The following TENM3 variants were observed in gnomAD, a reference collection of about 807,000 sequenced individuals.
The protein encoded by TENM3 is teneurin transmembrane protein 3.
TENM3 carries 63 observed loss-of-function variants against 255.1 expected under a neutral mutation model. The observed-to-expected ratio is 0.25, with a 90% CI of 0.20 to 0.30. The LOEUF (loss-of-function observed/expected upper bound fraction) is 0.30. Ranked by LOEUF, TENM3 falls within the 10% of genes least tolerant of loss-of-function variation. The pLI, the probability that TENM3 is intolerant of heterozygous loss-of-function variation, is 1.00. For synonymous variants in TENM3, 1,306 were observed against 1,322.3 expected (o/e 0.99, Z 0.27); for missense variants, 2,929 against 3,461.1 (o/e 0.85, Z 3.86).
At chr4:181,730,411 T>C in the TENM3 span, among the ~76,000 whole-genome samples, 9 of 152,138 alleles carry the variant, frequency 5.9e-5, no homozygotes, top group South Asian at 2.1e-4. Context: ...GCTCCTATTG[T>C]TAGGGAGTTT....
chr4:181,770,236 AT>A, the TENM3 span, among the ~76,000 whole-genome samples: 3 of 152,210 alleles, frequency 2.0e-5, no homozygotes, highest in African/African-American at 7.2e-5. Flanking sequence ...ATATGAATAA[AT>A]AATTTACAGA....
chr4:181,785,232 C>T, the TENM3 span, among the ~76,000 whole-genome samples: 7 of 152,116 alleles, frequency 4.6e-5, no homozygotes, highest in Non-Finnish European at 1.0e-4. Context: ...TAGATGATAA[C>T]ATACAGATTT....
At chr4:182,517,278 G>A (rs1738067029) in intron 3 of TENM3, among the ~76,000 whole-genome samples, 1 of 151,924 alleles carries the variant, frequency 6.6e-6, no homozygotes, top group Admixed American at 6.6e-5. Flanking sequence ...GAAGTGTCGT[G>A]ATTGTTGTCT....
intron 27 of TENM3, among the ~76,000 whole-genome samples, chr4:182,797,296 C>T (rs1389343864): frequency 2.0e-5 from 3 of 151,860 alleles, no homozygotes; most frequent in African/African-American, 7.3e-5. Context: ...AAAATTAGCC[C>T]GGCATGGTGG....
chr4:181,555,400 A>G, the TENM3 span, among the ~76,000 whole-genome samples: 3 of 152,208 alleles, frequency 2.0e-5, no homozygotes, highest in Non-Finnish European at 4.4e-5. Context: ...CATACTTGGC[A>G]TTCTGCTCCA....
At chr4:181,544,799 A>T in the TENM3 span, among the ~76,000 whole-genome samples, 1 of 152,356 alleles carries the variant, frequency 6.6e-6, no homozygotes, top group East Asian at 1.9e-4. Flanking sequence ...ATGAGAAAAA[A>T]TGATTTCTAA....
chr4:182,297,889 T>C (rs1405228790), intron 1 of TENM3, among the ~76,000 whole-genome samples: 1 of 152,204 alleles, frequency 6.6e-6, no homozygotes, highest in Non-Finnish European at 1.5e-5. Flanking sequence ...CTGTTACTCC[T>C]TCCCATTCAC....
At chr4:181,546,260 T>C in the TENM3 span, among the ~76,000 whole-genome samples, 2 of 152,174 alleles carry the variant, frequency 1.3e-5, no homozygotes, top group South Asian at 2.1e-4. Context: ...TTTTCCTTCT[T>C]CATGGCCATT....
chr4:181,743,187 T>A, the TENM3 span, among the ~76,000 whole-genome samples: 18 of 152,298 alleles, frequency 1.2e-4, 1 homozygote, highest in African/African-American at 4.1e-4. Flanking sequence ...TTTGGGTATA[T>A]ACCCAGTAAT....
chr4:182,123,745 G>A, the TENM3 span, among the ~76,000 whole-genome samples: 1 of 152,180 alleles, frequency 6.6e-6, no homozygotes, highest in Non-Finnish European at 1.5e-5. Flanking sequence ...CACGAAGTGA[G>A]CACACGCTGT....
At chr4:182,738,227 T>TAA (rs562633396) in intron 17 of TENM3, among the ~76,000 whole-genome samples, 174 bp from the exon 18 acceptor site, 12 of 151,768 alleles carry the variant, frequency 7.9e-5, no homozygotes, top group African/African-American at 2.7e-4. Context: ...GATCTTTTTT[T>TAA]AAAAAAAAAT....
rs139777435 is a variant in TENM3 at position 182,379,217 on chromosome 4, C to T, written c.511+32288C>T. Among the ~76,000 whole-genome samples, 199 of 152,184 alleles carry T rather than the reference C, an allele frequency of 1.3e-3. 1 individual carries two copies. The highest frequency in any genetic ancestry group is 0.01 in the Middle Eastern group (3 of 294). Reference sequence around the variant, plus strand: ...AAAAGAAATACAAAAATTAGCCGGGCGTGGTAGTGGGCTCCTGTAATCCCA... The same window carrying T: ...AAAAGAAATACAAAAATTAGCCGGGTGTGGTAGTGGGCTCCTGTAATCCCA... On this transcript the variant is annotated intron_variant, in intron 3 of 27. Coordinates refer to ENST00000511685, the MANE Select transcript of TENM3 (RefSeq NM_001080477.4).
chr4:181,568,587 CA>C, the TENM3 span, among the ~76,000 whole-genome samples: 1 of 152,148 alleles, frequency 6.6e-6, no homozygotes, highest in African/African-American at 2.4e-5. Flanking sequence ...CAACCCCAAG[CA>C]AACTCCTCAG....
chr4:181,497,021 A>G, the TENM3 span, among the ~76,000 whole-genome samples: 1 of 152,188 alleles, frequency 6.6e-6, no homozygotes, highest in Non-Finnish European at 1.5e-5. Context: ...ACCCACTGAA[A>G]TGTTACAGCC....
the TENM3 span, among the ~76,000 whole-genome samples, chr4:182,082,133 A>T: frequency 6.6e-6 from 1 of 152,222 alleles, no homozygotes; most frequent in Non-Finnish European, 1.5e-5. Flanking sequence ...TATAAACAAC[A>T]GAAATTCATC....
At chr4:181,456,753 A>G in the TENM3 span, among the ~76,000 whole-genome samples, 1 of 151,978 alleles carries the variant, frequency 6.6e-6, no homozygotes, top group African/African-American at 2.4e-5. Context: ...TTCTGTTTAC[A>G]ATATTTTAGA....
At chr4:181,870,533 A>G in the TENM3 span, among the ~76,000 whole-genome samples, 3 of 152,020 alleles carry the variant, frequency 2.0e-5, no homozygotes, top group African/African-American at 7.2e-5. Flanking sequence ...TATCCTTATG[A>G]CTAATGATGC....
chr4:182,014,021 TATAC>T, the TENM3 span, among the ~76,000 whole-genome samples: 1 of 47,930 alleles, frequency 2.1e-5, no homozygotes, highest in Admixed American at 2.2e-4. Context: ...TATACGTGTA[TATAC>T]GTATATACAC....
At chr4:181,534,040 A>T in the TENM3 span, among the ~76,000 whole-genome samples, 610 of 152,344 alleles carry the variant, frequency 4.0e-3, 2 homozygotes, top group Middle Eastern at 0.01. Context: ...AGGGAGAACT[A>T]AGTGGTTAAT....
Sources: allele counts gnomAD v4.1 joint callset (sites outside exome capture counted in the v4.1 genomes callset), GRCh38; gene constraint gnomAD v4.1.1; transcripts MANE v1.5; gene names NCBI Gene and HGNC (gene_info 2026-07-23, HGNC 2026-07-21).